Variants in STK31 observed in about 807,000 individuals in gnomAD.
The protein encoded by STK31 is serine/threonine kinase 31.
A neutral mutation model predicts 129.7 loss-of-function variants in STK31; 89 were observed. That is an observed-to-expected ratio of 0.69 (90% CI 0.58 to 0.82). The LOEUF is 0.82. STK31 is among the 40% of genes least tolerant of loss of function. STK31 has a pLI of 0.00. For missense variants in STK31, 1,187 were observed against 1,176.4 expected, an observed-to-expected ratio of 1.01 and a Z score of -0.13; for synonymous variants, 448 against 395.3, an observed-to-expected ratio of 1.13 and a Z score of -1.58.
At chr7:23,808,013 A>G (rs1000056443) in intron 22 of STK31, among the ~76,000 whole-genome samples, 1 of 148,124 alleles carries the variant, frequency 6.8e-6, no homozygotes. Flanking sequence ...GATAATCACA[A>G]CATCTGTTCT....
At chr7:23,746,865 C>G (rs1788385765) in intron 8 of STK31, among the ~76,000 whole-genome samples, 1 of 151,624 alleles carries the variant, frequency 6.6e-6, no homozygotes, top group Non-Finnish European at 1.5e-5. Context: ...ATTTAACTTA[C>G]TAACTTATTT....
intron 16 of STK31, among the ~76,000 whole-genome samples, chr7:23,782,659 T>C (rs1458004626): frequency 6.6e-6 from 1 of 152,172 alleles, no homozygotes; most frequent in Non-Finnish European, 1.5e-5. Flanking sequence ...TTAATAAATA[T>C]GTGATAAGTG....
chr7:23,781,058 A>G (rs149847198), intron 15 of STK31, among the ~76,000 whole-genome samples: 8 of 152,224 alleles, frequency 5.3e-5, no homozygotes, highest in African/African-American at 1.9e-4. Context: ...ATCATGTAGA[A>G]GACAATTCTA....
In STK31 at chr7:23,832,138, T is replaced by G; in HGVS notation, c.2832T>G (p.Asp944Glu). Residue 944 changes from aspartate (D) to glutamate (E), a missense_variant and splice_region_variant, in exon 24 of 24, where the codon GAT becomes GAG. Transcript: ENST00000355870. ...GIPKVDQFHL[D>E]DKVKSLLCSL... ...GTAACACCTGTTTTTCCTTGCAGGATGATAAAGTCAAATCCCTCCTCTGTA... is the reference window on the plus strand; with the variant it reads ...GTAACACCTGTTTTTCCTTGCAGGAGGATAAAGTCAAATCCCTCCTCTGTA... The G allele has an allele frequency of 6.2e-7, 1 of 1,610,492 alleles. No individual in the cohort carries two copies. Among genetic ancestry groups the G allele is most frequent in the East Asian group, 2.2e-5 (1 of 44,846 alleles).
Position 23,769,708 on chromosome 7 carries a change from A to G in STK31, c.1665A>G (p.Leu555=), listed in dbSNP as rs753515209. The part of the protein sequence containing the change: ...EDAMDNIDEI[L]EKTESSVCKE... ...CAATGGATAATATTGATGAAATCCT[A>G]GAGAAGACTGAGTCAAGTGTCTGCA... Residue 555 remains leucine, a synonymous_variant, in exon 13 of 24, where the codon CTA becomes CTG. Coordinates refer to ENST00000355870, the MANE Select transcript of STK31 (RefSeq NM_031414.5). 1.2e-6 allele frequency: 2 copies of G among 1,610,820 alleles called. No individual in the cohort carries two copies. Among genetic ancestry groups the G allele is most frequent in the Middle Eastern group, 3.3e-4 (2 of 6,050 alleles).
intron 3 of STK31, among the ~76,000 whole-genome samples, chr7:23,713,304 AG>A (rs2128059272): frequency 6.6e-6 from 1 of 152,312 alleles, no homozygotes; most frequent in African/African-American, 2.4e-5. Context: ...AAGATTAAAA[AG>A]TGGTACACCT....
chr7:23,715,195 C>T (rs777258378), intron 3 of STK31, among the ~76,000 whole-genome samples: 5 of 112,430 alleles, frequency 4.4e-5, no homozygotes, highest in African/African-American at 1.8e-4. Flanking sequence ...AATCTGCTCA[C>T]GTGTATTCTC....
At chr7:23,724,903 A>G (rs1786961427) in intron 4 of STK31, among the ~76,000 whole-genome samples, 1 of 152,216 alleles carries the variant, frequency 6.6e-6, no homozygotes, top group Non-Finnish European at 1.5e-5. Flanking sequence ...TTTGGTGTTT[A>G]GGTTTCATAA....
intron 15 of STK31, among the ~76,000 whole-genome samples, chr7:23,776,053 A>T (rs999843333): frequency 2.0e-5 from 3 of 152,348 alleles, no homozygotes; most frequent in Middle Eastern, 6.8e-3. Flanking sequence ...GTCAAATTTT[A>T]TCAAAGGCTT....
At chr7:23,732,719 A>G (rs182985546) in intron 6 of STK31, among the ~76,000 whole-genome samples, 65 of 152,320 alleles carry the variant, frequency 4.3e-4, no homozygotes, top group African/African-American at 1.5e-3. Flanking sequence ...AAACTTTTGT[A>G]GACAATAGGT....
At chr7:23,712,474 T>G (rs911152447) in intron 3 of STK31, among the ~76,000 whole-genome samples, 188 bp downstream of exon 3, 1 of 152,222 alleles carries the variant, frequency 6.6e-6, no homozygotes, top group Non-Finnish European at 1.5e-5. Context: ...TGACTCATTA[T>G]GAGTCAAGTG....
intron 22 of STK31, among the ~76,000 whole-genome samples, chr7:23,802,606 C>T (rs962657774): frequency 3.3e-5 from 5 of 152,126 alleles, no homozygotes; most frequent in East Asian, 3.9e-4. Context: ...CTCTGCCTCC[C>T]GGGTTCAAAT....
intron 6 of STK31, among the ~76,000 whole-genome samples, chr7:23,729,935 A>G (rs1187712289): frequency 1.3e-5 from 2 of 152,228 alleles, no homozygotes; most frequent in African/African-American, 4.8e-5. Context: ...ACAAATTTGA[A>G]ATTAATGGGG....
At chr7:23,772,338 C>T (rs1390667347) in intron 15 of STK31, 60 bp downstream of exon 15, 13 of 1,528,804 alleles carry the variant, frequency 8.5e-6, no homozygotes, top group Non-Finnish European at 1.1e-5. Flanking sequence ...TTGGTCTCTG[C>T]TTCATAAAAA....
At chr7:23,786,062 C>T (rs1293432366) in intron 18 of STK31, among the ~76,000 whole-genome samples, 1 of 151,910 alleles carries the variant, frequency 6.6e-6, no homozygotes, top group African/African-American at 2.4e-5. Flanking sequence ...TAAAGTTTCC[C>T]TCATTTCCCT....
chr7:23,745,205 A>G lies in STK31; in HGVS notation c.1018-7512A>G, dbSNP rs913996254. 3.3e-5 allele frequency among the ~76,000 whole-genome samples: 5 copies of G among 152,094 alleles called. 1 individual carries two copies. In the South Asian group the frequency reaches 8.3e-4, roughly 25 times the overall value. The stretch of plus-strand genomic sequence containing the variant: ...CCTTGGGAGGAGTGTTGAGGTACCA[A>G]TGGTGGACTGGGCTGGGTGATACCC... On this transcript the variant is annotated intron_variant, in intron 8 of 23. Transcript: ENST00000355870.
Position 23,730,878 on chromosome 7 carries a change from A to ATATTTTTTTTTTT in STK31, c.483+1630_483+1631insATTTTTTTTTTTT. ...CATTTATATATATATATATATATAT[A>ATATTTTTTTTTTT]TTTTTTTTTTTTTTTTTTGGTTGGG... On this transcript the variant is annotated intron_variant, in intron 6 of 23. Coordinates refer to ENST00000355870, the MANE Select transcript of STK31 (RefSeq NM_031414.5). Among the ~76,000 whole-genome samples, 74 of 59,536 alleles carry ATATTTTTTTTTTT rather than the reference A, an allele frequency of 1.2e-3. 1 individual carries two copies. The highest frequency in any genetic ancestry group is 9.4e-3 in the Middle Eastern group (1 of 106). The allele number at this position is 59,536 out of a possible 152,430, so 39.1% of individuals were successfully genotyped here.
chr7:23,733,667 G>A (rs1787559269), intron 6 of STK31, among the ~76,000 whole-genome samples: 1 of 151,968 alleles, frequency 6.6e-6, no homozygotes, highest in South Asian at 2.1e-4. Flanking sequence ...AAATTAGCTG[G>A]TCATGGTGGT....
At chr7:23,751,869 T>G (rs1788731579) in intron 8 of STK31, among the ~76,000 whole-genome samples, 1 of 151,736 alleles carries the variant, frequency 6.6e-6, no homozygotes, top group South Asian at 2.1e-4. Flanking sequence ...TGCTTGACAT[T>G]AATACAGGCA....
Sources: allele counts gnomAD v4.1 joint callset (sites outside exome capture counted in the v4.1 genomes callset), GRCh38; gene constraint gnomAD v4.1.1; transcripts MANE v1.5; gene names NCBI Gene and HGNC (gene_info 2026-07-23, HGNC 2026-07-21).